Variants in DNAAF11 observed in about 807,000 individuals in gnomAD.
The protein encoded by DNAAF11 is leucine rich repeat containing 6.
DNAAF11 carries 45 observed loss-of-function variants against 60.8 expected under a neutral mutation model. That is an observed-to-expected ratio of 0.74 (90% CI 0.58 to 0.95). The LOEUF is 0.95. Among genes scored for constraint, DNAAF11 ranks in the 40% least tolerant of loss-of-function variants. The pLI, the probability that DNAAF11 is intolerant of heterozygous loss-of-function variation, is 0.00. For missense variants in DNAAF11, 546 were observed against 546.2 expected (o/e 1.00, Z 0.00); for synonymous variants, 191 against 183.5 (o/e 1.04, Z -0.33).
chr8:132,678,528 C>T (rs896278097), upstream of DNAAF11, among the ~76,000 whole-genome samples: 1 of 152,056 alleles, frequency 6.6e-6, no homozygotes, highest in African/African-American at 2.4e-5. Flanking sequence ...TATGTGTGTG[C>T]ACCATCATGC....
chr8:132,575,262 C>T (rs892813815), intron 11 of DNAAF11, among the ~76,000 whole-genome samples: 4 of 152,128 alleles, frequency 2.6e-5, no homozygotes, highest in African/African-American at 9.7e-5. Context: ...GAACATAAGG[C>T]TGTTGTCAAG....
intron 5 of DNAAF11, among the ~76,000 whole-genome samples, chr8:132,629,665 G>A (rs1297600923): frequency 6.6e-6 from 1 of 151,920 alleles, no homozygotes; most frequent in Non-Finnish European, 1.5e-5. Context: ...CATTCTTAAC[G>A]CTACTATTCC....
intron 1 of DNAAF11, among the ~76,000 whole-genome samples, chr8:132,674,168 G>A (rs1825519152): frequency 1.2e-4 from 17 of 142,868 alleles, no homozygotes; most frequent in African/African-American, 4.1e-4. Flanking sequence ...AGAAGGAGAA[G>A]GAGGAGGAGG....
At chr8:132,596,761 A>C (rs1290145325) in intron 10 of DNAAF11, among the ~76,000 whole-genome samples, 1 of 152,174 alleles carries the variant, frequency 6.6e-6, no homozygotes, top group African/African-American at 2.4e-5. Flanking sequence ...TATCAGGAAC[A>C]CTGGAATAAA....
intron 11 of DNAAF11, among the ~76,000 whole-genome samples, chr8:132,573,841 C>T (rs4320530): frequency 0.089 from 13,549 of 152,080 alleles, 1,667 homozygotes; most frequent in African/African-American, 0.28. Context: ...TACACAAGGA[C>T]CTGCTGAATA....
At chr8:132,637,119 G>T (rs1821379943) in intron 4 of DNAAF11, among the ~76,000 whole-genome samples, 1 of 152,158 alleles carries the variant, frequency 6.6e-6, no homozygotes, top group Non-Finnish European at 1.5e-5. Context: ...ACTCGATTGG[G>T]GGGATATGGT....
intron 1 of DNAAF11, among the ~76,000 whole-genome samples, chr8:132,662,250 T>A (rs1167355820): frequency 6.6e-6 from 1 of 152,072 alleles, no homozygotes; most frequent in African/African-American, 2.4e-5. Flanking sequence ...TAATGGGAGC[T>A]CCCACCCCTC....
At chr8:132,607,548 G>A (rs535682826) in intron 10 of DNAAF11, among the ~76,000 whole-genome samples, 9 of 152,258 alleles carry the variant, frequency 5.9e-5, no homozygotes, top group Non-Finnish European at 1.3e-4. Context: ...AATACCCAGA[G>A]TGTATAGATC....
At chr8:132,625,581 C>T in intron 5 of DNAAF11, 127 bp from the exon 6 acceptor site, 1 of 734,678 alleles carries the variant, frequency 1.4e-6, no homozygotes, top group Non-Finnish European at 2.1e-6. Flanking sequence ...CAAAGTGACT[C>T]TGAAAGACAG....
chr8:132,699,135 A>G, the DNAAF11 span, among the ~76,000 whole-genome samples: 1 of 143,824 alleles, frequency 7.0e-6, no homozygotes, highest in East Asian at 2.0e-4. Context: ...TCTCAAAAAG[A>G]AAAAAAAAAA....
At chr8:132,702,699 G>A in the DNAAF11 span, among the ~76,000 whole-genome samples, 50 of 152,230 alleles carry the variant, frequency 3.3e-4, no homozygotes, top group Admixed American at 1.0e-3. Flanking sequence ...AAAGTTAGAC[G>A]AATTAGGTAA....
chr8:132,643,055 T>C (rs1340978434), intron 3 of DNAAF11, among the ~76,000 whole-genome samples: 2 of 152,142 alleles, frequency 1.3e-5, no homozygotes, highest in East Asian at 1.9e-4. Context: ...CAGTTCACAA[T>C]AGGGCTCCGC....
intron 10 of DNAAF11, among the ~76,000 whole-genome samples, chr8:132,600,220 G>A (rs931967304): frequency 1.2e-4 from 19 of 152,296 alleles, no homozygotes; most frequent in Non-Finnish European, 2.4e-4. Context: ...TACAAGGGAT[G>A]TGAAGGACCT....
At chr8:132,576,103 G>A (rs1232836575) in intron 11 of DNAAF11, among the ~76,000 whole-genome samples, 1 of 152,170 alleles carries the variant, frequency 6.6e-6, no homozygotes, top group Non-Finnish European at 1.5e-5. Flanking sequence ...TTTTAAGGAA[G>A]GGAATGATGT....
rs1000380030 is a variant in DNAAF11 at position 132,651,862 on chromosome 8, G to C, written c.256+4968C>G. 2.0e-5 allele frequency among the ~76,000 whole-genome samples: 3 copies of C among 152,132 alleles called. No individual in the cohort carries two copies. In the South Asian group the frequency reaches 6.2e-4, roughly 32 times the overall value. On this transcript the variant is annotated intron_variant, in intron 3 of 11. Transcript: ENST00000620350. ...GAACAGGGCCGTAAAACGTTAGCTGGGAGAGAGCAATGACTCCATTTCTAA... is the reference window on the plus strand; with the variant it reads ...GAACAGGGCCGTAAAACGTTAGCTGCGAGAGAGCAATGACTCCATTTCTAA...
In DNAAF11 at chr8:132,571,720, C is replaced by T. The variant is rs1357610193; in HGVS notation, c.*586G>A. Among the ~76,000 whole-genome samples the T allele has an allele frequency of 6.6e-6, 1 of 152,128 alleles. No homozygotes were observed. The highest frequency in any genetic ancestry group is 1.5e-5 in the Non-Finnish European group (1 of 68,026). ...CAAGTGTTATTATTCCCAGATTATA[C>T]ATGAAGCCACTAAGGCTCAGAGAAT... On this transcript the variant is annotated 3_prime_UTR_variant, in exon 12 of 12. Transcript: ENST00000620350.
intron 4 of DNAAF11, among the ~76,000 whole-genome samples, chr8:132,636,676 A>G (rs1821329713): frequency 6.6e-6 from 1 of 152,176 alleles, no homozygotes; most frequent in Non-Finnish European, 1.5e-5. Context: ...AACGGCTCAC[A>G]GCATTACACT....
chr8:132,604,844 T>C (rs1313931064), intron 10 of DNAAF11, among the ~76,000 whole-genome samples: 3 of 152,070 alleles, frequency 2.0e-5, no homozygotes, highest in Admixed American at 2.0e-4. Context: ...GAGAGAAAAC[T>C]ACCAACAAAG....
intron 10 of DNAAF11, among the ~76,000 whole-genome samples, chr8:132,594,662 C>T (rs944035167): frequency 6.6e-6 from 1 of 152,054 alleles, no homozygotes; most frequent in African/African-American, 2.4e-5. Flanking sequence ...CTCAGGAGAC[C>T]TGATGGTTTT....
Sources: gnomAD v4.1 joint callset for allele counts (sites outside exome capture counted in the v4.1 genomes callset) on GRCh38, gnomAD v4.1.1 for gene constraint, MANE v1.5 for transcripts, NCBI Gene and HGNC (gene_info 2026-07-23, HGNC 2026-07-21) for gene names.